NAALADL2: variants seen among roughly 807,000 people sequenced by gnomAD.
NAALADL2 encodes the protein N-acetylated alpha-linked acidic dipeptidase like 2.
In NAALADL2, 76 loss-of-function variants were observed where a neutral mutation model predicts 87.2. The observed-to-expected ratio is 0.87, with a 90% CI of 0.72 to 1.05. The LOEUF is 1.05. NAALADL2 is among the 50% of genes least tolerant of loss of function. The pLI is 0.00. For synonymous variants in NAALADL2, 354 were observed against 331.0 expected (o/e 1.07, Z -0.75); for missense variants, 1,089 against 945.8 (o/e 1.15, Z -1.99).
intron 1 of NAALADL2, among the ~76,000 whole-genome samples, chr3:174,900,649 C>T (rs1042669625): frequency 6.6e-6 from 1 of 151,616 alleles, no homozygotes; most frequent in African/African-American, 2.4e-5. Context: ...GTAGTATAAT[C>T]TAAACATTTT....
chr3:175,718,342 T>A (rs1310738771), intron 11 of NAALADL2: 1 of 1,602,940 alleles, frequency 6.2e-7, no homozygotes, highest in African/African-American at 1.3e-5. Flanking sequence ...TTCTGCCATT[T>A]TGCTAGCACT....
chr3:174,766,327 G>A (rs1488444441), intron 3 of NAALADL2, among the ~76,000 whole-genome samples: 1 of 152,178 alleles, frequency 6.6e-6, no homozygotes, highest in Non-Finnish European at 1.5e-5. Context: ...ATTTTAATGT[G>A]TCCTGACAGC....
At position 175,661,112 on chromosome 3, in the gene NAALADL2, A is replaced by G. The variant is rs142073936; in HGVS notation, c.1896+33726A>G. On this transcript the variant is annotated intron_variant, in intron 11 of 13. Coordinates refer to ENST00000454872, the MANE Select transcript of NAALADL2 (RefSeq NM_207015.3). ...TGACTACTGTTTTACATCCCTATCA[A>G]TGGTGTAAAGATGTTCCCCTTTCTC... Among the ~76,000 whole-genome samples, 94 of 152,138 alleles carry G rather than the reference A, an allele frequency of 6.2e-4. No homozygotes were observed. In the East Asian group the frequency reaches 0.017, roughly 27 times the overall value.
At chr3:175,694,227 T>TG (rs1378737276) in intron 11 of NAALADL2, among the ~76,000 whole-genome samples, 1 of 152,106 alleles carries the variant, frequency 6.6e-6, no homozygotes, top group African/African-American at 2.4e-5. Flanking sequence ...CTAAAATAGG[T>TG]GAAATTACCA....
At position 175,652,160 on chromosome 3, in the gene NAALADL2, G is replaced by C. The variant is rs1209650179; in HGVS notation, c.1896+24774G>C. ...TCTTATACCTAAGAGCATTTTGAAT[G>C]AGTTAACTATTTTCAGTGAGTTCCC... On this transcript the variant is annotated intron_variant, in intron 11 of 13. Transcript: ENST00000454872. Among the ~76,000 whole-genome samples the C allele has an allele frequency of 2.0e-5, 3 of 152,162 alleles. No homozygotes were observed. In the East Asian group the frequency reaches 5.8e-4, roughly 29 times the overall value.
chr3:174,984,743 G>T (rs1435266792), intron 1 of NAALADL2, among the ~76,000 whole-genome samples: 1 of 152,124 alleles, frequency 6.6e-6, no homozygotes, highest in African/African-American at 2.4e-5. Context: ...CTTGAAGAAG[G>T]TAAATGAACT....
intron 1 of NAALADL2, among the ~76,000 whole-genome samples, chr3:174,882,571 A>G (rs1215477379): frequency 1.4e-5 from 2 of 146,366 alleles, no homozygotes; most frequent in Non-Finnish European, 3.0e-5. Context: ...ATATATACAT[A>G]TGTGCTTATA....
At chr3:175,338,911 A>G (rs1762304525) in intron 5 of NAALADL2, among the ~76,000 whole-genome samples, 1 of 152,198 alleles carries the variant, frequency 6.6e-6, no homozygotes, top group Non-Finnish European at 1.5e-5. Flanking sequence ...AGGACTAGCA[A>G]TGCTGCACAG....
intron 2 of NAALADL2, among the ~76,000 whole-genome samples, chr3:174,655,672 A>C (rs1724844584): frequency 6.6e-6 from 1 of 152,170 alleles, no homozygotes; most frequent in South Asian, 2.1e-4. Context: ...TTAAAAATTA[A>C]CTATAATATA....
intron 3 of NAALADL2, among the ~76,000 whole-genome samples, chr3:174,771,079 TG>T (rs1714493196): frequency 6.6e-6 from 1 of 152,170 alleles, no homozygotes; most frequent in Admixed American, 6.5e-5. Context: ...ATTTCTTCGA[TG>T]TTCAAATATC....
intron 1 of NAALADL2, among the ~76,000 whole-genome samples, chr3:174,464,951 A>G (rs1011692603): frequency 3.3e-5 from 5 of 152,064 alleles, no homozygotes; most frequent in Non-Finnish European, 7.4e-5. Flanking sequence ...TTATTTTTAA[A>G]CATTTTACCA....
At chr3:175,263,359 A>G (rs1212983206) in intron 4 of NAALADL2, among the ~76,000 whole-genome samples, 51 of 151,962 alleles carry the variant, frequency 3.4e-4, no homozygotes, top group Non-Finnish European at 8.8e-5. Context: ...AGAATAACTG[A>G]AAGTTTCAAC....
chr3:175,718,087 A>G (rs1741606565), intron 11 of NAALADL2: 1 of 667,854 alleles, frequency 1.5e-6, no homozygotes, highest in Non-Finnish European at 2.3e-6. Context: ...TTTGAATGGG[A>G]GCTTCCTTTC....
At chr3:175,518,545 G>A (rs1160163250) in intron 9 of NAALADL2, among the ~76,000 whole-genome samples, 1 of 152,190 alleles carries the variant, frequency 6.6e-6, no homozygotes, top group Non-Finnish European at 1.5e-5. Flanking sequence ...CAGTGCTGGA[G>A]GCTGAGAAGT....
intron 1 of NAALADL2, among the ~76,000 whole-genome samples, chr3:174,874,116 A>G (rs1335116860): frequency 6.6e-6 from 1 of 152,100 alleles, no homozygotes; most frequent in East Asian, 1.9e-4. Context: ...TCAAAATTTT[A>G]AACAGAGTGG....
intron 1 of NAALADL2, among the ~76,000 whole-genome samples, chr3:174,946,261 A>G (rs1739406929): frequency 6.6e-6 from 1 of 152,042 alleles, no homozygotes. Context: ...AATATAATAT[A>G]CATTAGGTCT....
rs566837321 is a variant in NAALADL2, at chr3:175,804,940, A to C, written c.*1737A>C. 1 of 152,044 alleles carries C rather than the reference A, an allele frequency of 6.6e-6. No individual in the cohort carries two copies. Among genetic ancestry groups the C allele is most frequent in the Admixed American group, 6.6e-5 (1 of 15,220 alleles). The allele number at this position is 152,044 out of a possible 1,614,324, so 9.4% of individuals were successfully genotyped here. ...ACTACCTTACAATATTATTTTTTTA[A>C]CCAATGTATTTGTTTGCAAACATTT... On this transcript the variant is annotated 3_prime_UTR_variant, in exon 14 of 14. Transcript: ENST00000454872.
intron 7 of NAALADL2, 104 bp from the exon 8 acceptor site, chr3:175,466,875 G>A: frequency 2.2e-6 from 2 of 899,926 alleles, no homozygotes; most frequent in East Asian, 4.9e-5. Context: ...GAGCAATTTT[G>A]CTTAATTATT....
At chr3:174,997,833 A>AAACAAC (rs60367540) in intron 1 of NAALADL2, among the ~76,000 whole-genome samples, 16,173 of 141,962 alleles carry the variant, frequency 0.11, 922 homozygotes, top group Middle Eastern at 0.24. Context: ...ACCAAAAAGC[A>AAACAAC]AACAACAACA....
Sources: allele counts gnomAD v4.1 joint callset (sites outside exome capture counted in the v4.1 genomes callset), GRCh38; gene constraint gnomAD v4.1.1; transcripts MANE v1.5; gene names NCBI Gene and HGNC (gene_info 2026-07-23, HGNC 2026-07-21).